The following MYO9B variants were observed in gnomAD, a reference collection of about 807,000 sequenced individuals.
MYO9B encodes myosin IXB.
In MYO9B, 71 loss-of-function variants were observed where a neutral mutation model predicts 229.5. The ratio of observed to expected loss-of-function variants is 0.31; its 90% CI spans 0.26 to 0.38. MYO9B has a LOEUF of 0.38. Ranked by LOEUF, MYO9B falls within the 10% of genes least tolerant of loss-of-function variation. The probability of loss-of-function intolerance (pLI) is 1.00; values close to 1 mark genes in which losing one functional copy is unlikely to be tolerated. For synonymous variants in MYO9B, 1,185 were observed against 1,235.8 expected, an observed-to-expected ratio of 0.96 and a Z score of 0.86; for missense variants, 2,255 against 2,920.5, an observed-to-expected ratio of 0.77 and a Z score of 5.25.
intron 2 of MYO9B, among the ~76,000 whole-genome samples, chr19:17,145,047 G>T (rs1243364617): frequency 6.6e-6 from 1 of 151,862 alleles, no homozygotes; most frequent in Non-Finnish European, 1.5e-5. Flanking sequence ...GGAGGCTGAG[G>T]CGGGCAGATT....
chr19:17,206,454 C>A, intron 33 of MYO9B, 78 bp downstream of exon 33: 1 of 1,536,294 alleles, frequency 6.5e-7, no homozygotes, highest in South Asian at 1.2e-5. Context: ...GCCCAGGAGG[C>A]AGGACCACCC....
chr19:17,084,637 G>T (rs1377121132), intron 1 of MYO9B, among the ~76,000 whole-genome samples: 9 of 150,826 alleles, frequency 6.0e-5, no homozygotes, highest in Admixed American at 1.3e-4. Flanking sequence ...GCTGAGGCAG[G>T]CAGATCACTT....
chr19:17,131,207 A>G (rs914873716), intron 2 of MYO9B, among the ~76,000 whole-genome samples: 5 of 152,106 alleles, frequency 3.3e-5, no homozygotes, highest in Admixed American at 1.3e-4. Context: ...ATTCTCCCCC[A>G]CTGGAAGGCC....
chr19:17,079,430 T>G lies in MYO9B; in HGVS notation c.-59+3556T>G, dbSNP rs1219176942. 3.3e-5 allele frequency among the ~76,000 whole-genome samples: 5 copies of G among 152,268 alleles called. No individual in the cohort carries two copies. The South Asian group carries it at 8.3e-4, about 25-fold the overall frequency. On this transcript the variant is annotated intron_variant, in intron 1 of 39. Transcript: ENST00000682292. ...TTCTTTGTCTTGTGACTGACCTGGATTTCTGGAGGAACTGTCCTCGTCTTA... is the reference window on the plus strand; with the variant it reads ...TTCTTTGTCTTGTGACTGACCTGGAGTTCTGGAGGAACTGTCCTCGTCTTA...
chr19:17,094,389 C>G (rs2057668767), intron 1 of MYO9B, among the ~76,000 whole-genome samples: 1 of 152,078 alleles, frequency 6.6e-6, no homozygotes, highest in South Asian at 2.1e-4. Flanking sequence ...GCATAATAGG[C>G]TGCACTTACT....
chr19:17,098,410 A>G (rs2057713262), intron 1 of MYO9B, among the ~76,000 whole-genome samples: 2 of 152,102 alleles, frequency 1.3e-5, no homozygotes. Flanking sequence ...GTCCTTTAGG[A>G]TAATCACTCC....
chr19:17,076,832 G>A (rs760574884), intron 1 of MYO9B, among the ~76,000 whole-genome samples: 1 of 152,150 alleles, frequency 6.6e-6, no homozygotes, highest in Non-Finnish European at 1.5e-5. Context: ...CAGGACTGTC[G>A]CCACCTCCGC....
chr19:17,205,199 G>C lies in MYO9B; in HGVS notation c.4991-64G>C, dbSNP rs932857754. On this transcript the variant is annotated intron_variant, in intron 30 of 39. Transcript: ENST00000682292. Reference sequence around the variant, plus strand: ...ATTGGCGGCCCCCGGCCAGCTGGGTGGGTGGCTGCAGGAATCTGGGGTCCC... The same window carrying C: ...ATTGGCGGCCCCCGGCCAGCTGGGTCGGTGGCTGCAGGAATCTGGGGTCCC... 10 of 1,383,764 alleles carry C rather than the reference G, an allele frequency of 7.2e-6. No individual in the cohort carries two copies. The South Asian group carries it at 1.1e-4, about 15-fold the overall frequency. 85.7% of individuals were successfully genotyped at this position (1,383,764 alleles called of 1,614,324 possible).
chr19:17,108,136 A>T (rs1018151167), intron 2 of MYO9B, among the ~76,000 whole-genome samples: 4 of 152,204 alleles, frequency 2.6e-5, no homozygotes, highest in Non-Finnish European at 5.9e-5. Flanking sequence ...TTCAACAGCC[A>T]TTAGTCACCC....
At position 17,205,389 on chromosome 19, in the gene MYO9B, G is replaced by T. The variant is rs375105718; in HGVS notation, c.5064+53G>T. 7 of 1,556,850 alleles carry T rather than the reference G, an allele frequency of 4.5e-6. No homozygotes were observed. The East Asian group carries it at 9.0e-5, about 20-fold the overall frequency. On this transcript the variant is annotated intron_variant, in intron 31 of 39. Coordinates refer to ENST00000682292, the MANE Select transcript of MYO9B (RefSeq NM_004145.4). ...ACAATGACACTCCACTCACGGCCAG[G>T]TGCACCAGGAGGTGGTGCTTGATGT...
intron 30 of MYO9B, 120 bp from the exon 31 acceptor site, chr19:17,205,143 T>G (rs1599425523): frequency 4.9e-5 from 32 of 649,066 alleles, no homozygotes; most frequent in South Asian, 2.6e-4. Flanking sequence ...AGAGTGAGAC[T>G]CCATCTCAAA....
rs1419787001 is a variant in MYO9B, at chr19:17,205,352, C to G, written c.5064+16C>G. The G allele has an allele frequency of 6.2e-7, 1 of 1,610,630 alleles. No individual in the cohort carries two copies. Among genetic ancestry groups the G allele is most frequent in the South Asian group, 1.1e-5 (1 of 90,996 alleles). ...CGGGAGGAAGGTGAGTGTACGAGGC[C>G]TGGAACTTTCTACAATGACACTCCA... On this transcript the variant is annotated intron_variant, in intron 31 of 39. Transcript: ENST00000682292.
chr19:17,120,634 G>A (rs1568672566), intron 2 of MYO9B, among the ~76,000 whole-genome samples: 1 of 74,562 alleles, frequency 1.3e-5, no homozygotes, highest in African/African-American at 5.7e-5. Context: ...GCAAGACTCT[G>A]TCTCAAAAAA....
chr19:17,209,517 A>G (rs2073201662), intron 35 of MYO9B, 69 bp from the exon 36 acceptor site: 4 of 1,500,442 alleles, frequency 2.7e-6, no homozygotes, highest in African/African-American at 2.8e-5. Flanking sequence ...ACCAGCTAGC[A>G]TCTCCCTGGA....
In MYO9B at chr19:17,209,075, T is replaced by A. The variant is rs535351089; in HGVS notation, c.5625-511T>A. On this transcript the variant is annotated intron_variant, in intron 35 of 39. Transcript: ENST00000682292. ...CCCTCTGGTTCTGACCACTCCAAGC[T>A]GGGTCCCTCTGATACTGACCACTCC... Among the ~76,000 whole-genome samples the A allele has an allele frequency of 4.0e-5, 6 of 151,640 alleles. No homozygotes were observed. The East Asian group carries it at 1.2e-3, about 29-fold the overall frequency.
At chr19:17,081,777 C>T (rs1001331959) in intron 1 of MYO9B, among the ~76,000 whole-genome samples, 5 of 146,730 alleles carry the variant, frequency 3.4e-5, no homozygotes, top group African/African-American at 1.3e-4. Context: ...TGCCACTGCA[C>T]TCCAGCCTGG....
chr19:17,211,587 C>T (rs2073229706), intron 38 of MYO9B, 60 bp from the exon 39 acceptor site: 3 of 1,484,236 alleles, frequency 2.0e-6, no homozygotes, highest in Non-Finnish European at 2.7e-6. Context: ...TGCTCTGTTC[C>T]ACACTGGCCC....
At chr19:17,105,493 C>A (rs1472706034) in intron 2 of MYO9B, among the ~76,000 whole-genome samples, 2 of 151,880 alleles carry the variant, frequency 1.3e-5, no homozygotes, top group African/African-American at 4.8e-5. Flanking sequence ...AGACCCTGTC[C>A]CCCAAAAAAA....
At position 17,102,122 on chromosome 19, in the gene MYO9B, A is replaced by C. The variant is rs778310693; in HGVS notation, c.405A>C (p.Leu135=). 3 of 1,613,486 alleles carry C rather than the reference A, an allele frequency of 1.9e-6. No homozygotes were observed. The East Asian group carries it at 6.7e-5, about 36-fold the overall frequency. ...CGCAGGCCACAGCCACCCGGCGCCT[A>C]GTGGAGCGTGGCCTCCTGCCACGGC... ...LVAQATATRR[L]VERGLLPRQQ... The change falls in exon 2 of 40, where the codon CTA becomes CTC. Residue 135 remains leucine (L), a synonymous_variant. Transcript: ENST00000682292.
Sources: gnomAD v4.1 joint callset for allele counts (sites outside exome capture counted in the v4.1 genomes callset) on GRCh38, gnomAD v4.1.1 for gene constraint, MANE v1.5 for transcripts, NCBI Gene and HGNC (gene_info 2026-07-23, HGNC 2026-07-21) for gene names.